Variants in AGPAT3 observed in about 807,000 individuals in gnomAD.
AGPAT3 encodes the protein 1-acylglycerol-3-phosphate O-acyltransferase 3, also known as 1-acyl-sn-glycerol-3-phosphate acyltransferase gamma.
AGPAT3 carries 5 observed loss-of-function variants against 47.3 expected under a neutral mutation model. That is an observed-to-expected ratio of 0.11 (90% confidence interval 0.06 to 0.22). The LOEUF (loss-of-function observed/expected upper bound fraction) is 0.22. AGPAT3 is among the 10% of genes least tolerant of loss of function. The pLI, the probability that AGPAT3 is intolerant of heterozygous loss-of-function variation, is 1.00. For missense variants in AGPAT3, 315 were observed against 493.0 expected (o/e 0.64, Z 3.42); for synonymous variants, 212 against 208.3 (o/e 1.02, Z -0.15).
chr21:43,975,767 C>T (rs1211699925), intron 7 of AGPAT3, among the ~76,000 whole-genome samples: 6 of 152,148 alleles, frequency 3.9e-5, no homozygotes, highest in Non-Finnish European at 5.9e-5. Flanking sequence ...TGGCTTACAA[C>T]GCAGCGATTT....
rs140073732 is a variant in AGPAT3 at position 43,917,435 on chromosome 21, G to A, written c.-49+13416G>A. ...TCCAGTCATCTCCACGTTGGTGTCC[G>A]TCTGTGTGTCCTCTCTGCCTTTAAG... On this transcript the variant is annotated intron_variant, in intron 2 of 9. Transcript: ENST00000291572. Among the ~76,000 whole-genome samples, 225 of 152,338 alleles carry A rather than the reference G, an allele frequency of 1.5e-3. 1 individual carries two copies. The highest frequency in any genetic ancestry group is 5.1e-3 in the African/African-American group (213 of 41,578).
At chr21:43,953,091 G>A (rs557644148) in intron 2 of AGPAT3, among the ~76,000 whole-genome samples, 6 of 152,306 alleles carry the variant, frequency 3.9e-5, no homozygotes, top group African/African-American at 9.6e-5. Context: ...TGTTGAACCC[G>A]AGTTAATTGT....
intron 1 of AGPAT3, among the ~76,000 whole-genome samples, chr21:43,900,519 A>C (rs757643887): frequency 2.0e-5 from 3 of 152,180 alleles, no homozygotes; most frequent in Non-Finnish European, 4.4e-5. Flanking sequence ...GTGGAGACAG[A>C]GTGTGGAGTT....
At chr21:43,872,825 C>T (rs1021807773) in intron 1 of AGPAT3, among the ~76,000 whole-genome samples, 4 of 152,184 alleles carry the variant, frequency 2.6e-5, no homozygotes, top group African/African-American at 9.7e-5. Context: ...AAACAGTGGC[C>T]GTTTAGTTCT....
At chr21:43,890,237 CCT>C (rs1238012704) in intron 1 of AGPAT3, among the ~76,000 whole-genome samples, 9 of 152,058 alleles carry the variant, frequency 5.9e-5, no homozygotes, top group African/African-American at 2.2e-4. Context: ...GGCCCCTCCC[CCT>C]CTGTCTTCCT....
At chr21:43,881,154 CTG>C (rs1464075761) in intron 1 of AGPAT3, among the ~76,000 whole-genome samples, 12 of 152,180 alleles carry the variant, frequency 7.9e-5, no homozygotes, top group Middle Eastern at 3.4e-3. Flanking sequence ...AAAAAGAAAA[CTG>C]AAAGTATTTA....
chr21:43,974,241 ATG>A (rs1332455347), intron 7 of AGPAT3, among the ~76,000 whole-genome samples: 14 of 152,098 alleles, frequency 9.2e-5, no homozygotes, highest in African/African-American at 2.4e-4. Context: ...TATAAATTAT[ATG>A]TGTGTATAAA....
At chr21:43,909,292 ATTTTTT>A (rs11365476) in intron 2 of AGPAT3, among the ~76,000 whole-genome samples, 17 of 102,290 alleles carry the variant, frequency 1.7e-4, no homozygotes, top group African/African-American at 5.7e-4. Context: ...TTTCATACAC[ATTTTTT>A]TTTTTTTTTT....
chr21:43,924,009 G>A (rs1429694480), intron 2 of AGPAT3, among the ~76,000 whole-genome samples: 1 of 152,068 alleles, frequency 6.6e-6, no homozygotes, highest in African/African-American at 2.4e-5. Context: ...TGTAGGAAAT[G>A]TAAGGTGTTT....
chr21:43,976,113 G>C (rs896986618), intron 7 of AGPAT3, among the ~76,000 whole-genome samples: 2 of 151,480 alleles, frequency 1.3e-5, no homozygotes, highest in Admixed American at 6.6e-5. Context: ...TGTCACCCAG[G>C]CTGGAGTGCA....
chr21:43,874,084 G>A (rs969282934), intron 1 of AGPAT3, among the ~76,000 whole-genome samples: 3 of 152,172 alleles, frequency 2.0e-5, no homozygotes, highest in Non-Finnish European at 2.9e-5. Context: ...CACGCAGGCT[G>A]GCGTGATCTC....
rs1193033079 is a variant in AGPAT3, at chr21:43,933,262, C to G, written c.-48-26372C>G. 6.6e-6 allele frequency among the ~76,000 whole-genome samples: 1 copy of G among 152,136 alleles called. No individual in the cohort carries two copies. Among genetic ancestry groups the G allele is most frequent in the Non-Finnish European group, 1.5e-5 (1 of 68,034 alleles). On this transcript the variant is annotated intron_variant, in intron 2 of 9. Transcript: ENST00000291572. The surrounding 1 kb of genome is among the most constrained non-coding windows in gnomAD (Gnocchi z 6.0). The stretch of plus-strand genomic sequence containing the variant: ...GCTGTTTGCTTTCTTGCTATTGAGT[C>G]TGAGCCCCTTTACCCTGTGGATGCT...
chr21:43,916,784 T>C (rs976599178), intron 2 of AGPAT3, among the ~76,000 whole-genome samples: 1 of 152,188 alleles, frequency 6.6e-6, no homozygotes, highest in African/African-American at 2.4e-5. Context: ...ATAAAATACA[T>C]GCACGTTCGC....
chr21:43,910,940 G>C (rs1158584477), intron 2 of AGPAT3, among the ~76,000 whole-genome samples: 1 of 152,142 alleles, frequency 6.6e-6, no homozygotes, highest in African/African-American at 2.4e-5. Context: ...ACATGCCTAT[G>C]AAAATTAAAC....
In AGPAT3 at chr21:43,892,933, A is replaced by G. The variant is rs141837856; in HGVS notation, c.-111-11024A>G. ...AACGTGACAAAATCCTGTCTCTGCA[A>G]CCCCCACCAAAATTAGCCAGGCATG... On this transcript the variant is annotated intron_variant, in intron 1 of 9. Transcript: ENST00000291572. 5.3e-3 allele frequency among the ~76,000 whole-genome samples: 799 copies of G among 152,024 alleles called. 5 individuals are homozygous for G. The highest frequency in any genetic ancestry group is 0.018 in the African/African-American group (748 of 41,454).
chr21:43,923,746 T>G (rs1222355420), intron 2 of AGPAT3, among the ~76,000 whole-genome samples: 2 of 152,068 alleles, frequency 1.3e-5, no homozygotes, highest in African/African-American at 4.8e-5. Flanking sequence ...GGGTACAGAG[T>G]GAGGCCTGGG....
At chr21:43,959,899 C>T (rs1446301661) in intron 3 of AGPAT3, 40 bp downstream of exon 3, 6 of 1,563,780 alleles carry the variant, frequency 3.8e-6, no homozygotes, top group African/African-American at 1.3e-5. Context: ...CCTGGGGCTC[C>T]CGTGGGGGTG....
Position 43,983,738 on chromosome 21 carries a change from G to A in AGPAT3, c.*1346G>A, listed in dbSNP as rs1414037851. On this transcript the variant is annotated 3_prime_UTR_variant, in exon 10 of 10. Coordinates refer to ENST00000291572, the MANE Select transcript of AGPAT3 (RefSeq NM_020132.5). ...GTGGTAGAACGCTCAACTTGGTTGC[G>A]GTACCATCAGCCCACCTGCATTTGG... 4 of 152,240 alleles carry A rather than the reference G, an allele frequency of 2.6e-5. No individual in the cohort carries two copies. The highest frequency in any genetic ancestry group is 6.5e-5 in the Admixed American group (1 of 15,282). 9.4% of individuals were successfully genotyped at this position (152,240 alleles called of 1,614,324 possible). A position where few individuals can be genotyped will look rare whatever the true frequency, so the allele number is the denominator to read the frequency against.
intron 2 of AGPAT3, among the ~76,000 whole-genome samples, chr21:43,928,426 G>T (rs936084112): frequency 2.0e-5 from 3 of 152,176 alleles, no homozygotes; most frequent in African/African-American, 7.2e-5. Flanking sequence ...AGTGAAATAG[G>T]GTAAGGTTCA....
Sources: allele counts gnomAD v4.1 joint callset (sites outside exome capture counted in the v4.1 genomes callset), GRCh38; gene constraint gnomAD v4.1.1; non-coding constraint Gnocchi (gnomAD v3.1); transcripts MANE v1.5; gene names NCBI Gene and HGNC (gene_info 2026-07-23, HGNC 2026-07-21).